Variants in RPH3A observed in about 807,000 individuals in gnomAD.
The protein encoded by RPH3A is rabphilin-3A.
A neutral mutation model predicts 102.2 loss-of-function variants in RPH3A; 48 were observed. That is an observed-to-expected ratio of 0.47 (90% CI 0.37 to 0.60). RPH3A has a LOEUF of 0.60. Ranked by LOEUF, RPH3A falls within the 20% of genes least tolerant of loss-of-function variation. RPH3A has a pLI of 0.00. For missense variants in RPH3A, 781 were observed against 910.1 expected, an observed-to-expected ratio of 0.86 and a Z score of 1.83; for synonymous variants, 310 against 324.3, an observed-to-expected ratio of 0.96 and a Z score of 0.47.
intron 13 of RPH3A, among the ~76,000 whole-genome samples, chr12:112,877,075 AT>A (rs1427207440): frequency 1.3e-5 from 2 of 152,118 alleles, no homozygotes; most frequent in African/African-American, 4.8e-5. Context: ...TGCTACATAT[AT>A]TTTTTATTGT....
chr12:112,817,667 C>T (rs1232516261), intron 2 of RPH3A, among the ~76,000 whole-genome samples: 1 of 152,024 alleles, frequency 6.6e-6, no homozygotes, highest in East Asian at 1.9e-4. Flanking sequence ...ATACTGCCAC[C>T]TCATTTGTCT....
Position 112,621,254 on chromosome 12 carries a change from C to T in RPH3A, c.-140+45935C>T, listed in dbSNP as rs564750510. 1.2e-3 allele frequency among the ~76,000 whole-genome samples: 181 copies of T among 151,870 alleles called. 1 individual carries two copies. The highest frequency in any genetic ancestry group is 4.0e-3 in the African/African-American group (165 of 41,370). On this transcript the variant is annotated intron_variant, in intron 1 of 21. Transcript: ENST00000543106. ...TCCGGTCTACAGCTCCCAGCGTGAGCGACGCAGAAGACGGGTGATTTCTGC... is the reference window on the plus strand; with the variant it reads ...TCCGGTCTACAGCTCCCAGCGTGAGTGACGCAGAAGACGGGTGATTTCTGC...
At chr12:112,728,785 A>G (rs142509637) in intron 1 of RPH3A, among the ~76,000 whole-genome samples, 161 of 152,316 alleles carry the variant, frequency 1.1e-3, no homozygotes, top group Non-Finnish European at 1.7e-3. Context: ...AAGCAGGAGC[A>G]TGGCTCACAA....
intron 5 of RPH3A, among the ~76,000 whole-genome samples, chr12:112,852,414 A>T (rs1217449079): frequency 6.6e-6 from 1 of 152,198 alleles, no homozygotes; most frequent in Non-Finnish European, 1.5e-5. Flanking sequence ...TTATCCCATT[A>T]TGTAGAAAGA....
At chr12:112,578,621 T>C (rs1382975710) in intron 1 of RPH3A, among the ~76,000 whole-genome samples, 1 of 152,184 alleles carries the variant, frequency 6.6e-6, no homozygotes, top group Non-Finnish European at 1.5e-5. Flanking sequence ...CCTATGAACT[T>C]CATTAGGGAT....
chr12:112,845,869 A>G (rs1370459774), intron 4 of RPH3A, among the ~76,000 whole-genome samples: 1 of 152,186 alleles, frequency 6.6e-6, no homozygotes, highest in Non-Finnish European at 1.5e-5. Context: ...GCAATGGAGA[A>G]AGTGAACCAG....
intron 1 of RPH3A, among the ~76,000 whole-genome samples, chr12:112,671,255 C>A (rs1592935673): frequency 2.6e-5 from 4 of 152,272 alleles, no homozygotes; most frequent in South Asian, 4.1e-4. Flanking sequence ...AAGATTATTT[C>A]TTTCTCAGTG....
chr12:112,611,600 A>G (rs1216362810), intron 1 of RPH3A, among the ~76,000 whole-genome samples: 1 of 151,962 alleles, frequency 6.6e-6, no homozygotes, highest in Non-Finnish European at 1.5e-5. Context: ...CACCACGCCC[A>G]GCTAATTTTT....
In RPH3A at chr12:112,678,324, AGAAAGAAG is replaced by A. The variant is rs1318437603; in HGVS notation, c.-140+103009_-140+103016del. Among the ~76,000 whole-genome samples the A allele has an allele frequency of 1.9e-4, 9 of 47,558 alleles. 1 individual carries two copies. Among genetic ancestry groups the A allele is most frequent in the African/African-American group, 6.2e-4 (9 of 14,518 alleles). The allele number at this position is 47,558 out of a possible 152,430, so 31.2% of individuals were successfully genotyped here. On this transcript the variant is annotated intron_variant, in intron 1 of 21. Coordinates refer to the RPH3A transcript ENST00000543106. The stretch of plus-strand genomic sequence containing the variant: ...AAGAAAGAGAGAGAGAGAGAAAGAA[AGAAAGAAG>A]GAAGGAAGGAAGGAAGGAAGGAAAG...
chr12:112,646,528 C>A (rs1213655832), intron 1 of RPH3A, among the ~76,000 whole-genome samples: 5 of 152,146 alleles, frequency 3.3e-5, no homozygotes, highest in African/African-American at 9.7e-5. Flanking sequence ...CAGTTGGAGG[C>A]TCTCAGCCGG....
At chr12:112,667,665 A>G (rs578216493) in intron 1 of RPH3A, among the ~76,000 whole-genome samples, 7 of 3,854 alleles carry the variant, frequency 1.8e-3, no homozygotes, top group African/African-American at 0.012. Flanking sequence ...ATGAATAAAG[A>G]GAGAGAGAGA....
intron 1 of RPH3A, among the ~76,000 whole-genome samples, chr12:112,728,454 C>T (rs1043522215): frequency 1.3e-5 from 2 of 152,014 alleles, no homozygotes; most frequent in African/African-American, 4.8e-5. Flanking sequence ...AACTTGCATG[C>T]AAAAATGTTT....
intron 1 of RPH3A, among the ~76,000 whole-genome samples, chr12:112,722,303 G>A (rs1362956002): frequency 1.3e-5 from 2 of 152,336 alleles, no homozygotes; most frequent in East Asian, 3.9e-4. Context: ...AGGTTCTGTA[G>A]GTAGGCATGA....
At chr12:112,881,602 T>C (rs1253959262) in intron 14 of RPH3A, among the ~76,000 whole-genome samples, 170 bp from the exon 15 acceptor site, 2 of 152,184 alleles carry the variant, frequency 1.3e-5, no homozygotes, top group Admixed American at 6.5e-5. Flanking sequence ...CTGTCTCCCA[T>C]CCCAGTACTC....
At chr12:112,645,249 A>G (rs913345399) in intron 1 of RPH3A, among the ~76,000 whole-genome samples, 2 of 152,136 alleles carry the variant, frequency 1.3e-5, no homozygotes, top group Non-Finnish European at 2.9e-5. Flanking sequence ...TCCCCCTACA[A>G]CAAAGGGTCA....
In RPH3A at chr12:112,712,873, C is replaced by CT. The variant is rs200904686; in HGVS notation, c.-139-79262dup. Among the ~76,000 whole-genome samples, 167 of 148,318 alleles carry CT rather than the reference C, an allele frequency of 1.1e-3. 1 individual carries two copies. Among genetic ancestry groups the CT allele is most frequent in the African/African-American group, 4.0e-3 (155 of 38,864 alleles). ...ACTGTGTGCCACCACACCCAGCTCA[C>CT]TTTTTTTTCTTCTTCTTCTTCTTCT... On this transcript the variant is annotated intron_variant, in intron 1 of 21. Transcript: ENST00000543106.
chr12:112,750,941 G>A (rs939738319), intron 1 of RPH3A, among the ~76,000 whole-genome samples: 3 of 152,090 alleles, frequency 2.0e-5, no homozygotes, highest in Non-Finnish European at 4.4e-5. Context: ...CATAGCCTTG[G>A]GAGTTGTCGG....
At chr12:112,587,340 C>T (rs1018903816) in intron 1 of RPH3A, among the ~76,000 whole-genome samples, 4 of 152,302 alleles carry the variant, frequency 2.6e-5, no homozygotes, top group South Asian at 4.1e-4. Context: ...AGTCTTAATA[C>T]GGTTCTTCTG....
intron 1 of RPH3A, among the ~76,000 whole-genome samples, chr12:112,761,793 A>C (rs756759131): frequency 6.6e-6 from 1 of 152,210 alleles, no homozygotes; most frequent in South Asian, 2.1e-4. Flanking sequence ...TGATGAAACC[A>C]GGGGCAAAAC....
Sources: gnomAD v4.1 joint callset for allele counts (sites outside exome capture counted in the v4.1 genomes callset) on GRCh38, gnomAD v4.1.1 for gene constraint, MANE v1.5 for transcripts, NCBI Gene and HGNC (gene_info 2026-07-23, HGNC 2026-07-21) for gene names.